The following TEC variants were observed in gnomAD, a reference collection of about 807,000 sequenced individuals.
TEC encodes tec protein tyrosine kinase.
In TEC, 72 loss-of-function variants were observed where a neutral mutation model predicts 93.0. The observed-to-expected ratio is 0.77, with a 90% CI of 0.64 to 0.94. The LOEUF (loss-of-function observed/expected upper bound fraction) is 0.94. Among genes scored for constraint, TEC ranks in the 40% least tolerant of loss-of-function variants. The pLI is 0.00. For missense variants in TEC, 630 were observed against 757.9 expected (o/e 0.83, Z 1.98); for synonymous variants, 249 against 247.7 (o/e 1.01, Z -0.05).
chr4:48,221,899 A>AG (rs1723277793), intron 2 of TEC, among the ~76,000 whole-genome samples: 1 of 152,202 alleles, frequency 6.6e-6, no homozygotes. Context: ...GCCAAAATGT[A>AG]TATTTCTTAT....
At chr4:48,228,680 G>A (rs907568030) in intron 1 of TEC, 21 bp from the exon 2 acceptor site, 3 of 1,535,906 alleles carry the variant, frequency 2.0e-6, no homozygotes, top group Admixed American at 4.4e-5. Context: ...AAAAGAAACA[G>A]TTAAAATGTG....
chr4:48,227,554 G>T (rs1723509757), intron 2 of TEC, among the ~76,000 whole-genome samples: 1 of 144,954 alleles, frequency 6.9e-6, no homozygotes, highest in Non-Finnish European at 1.5e-5. Flanking sequence ...TGCGGCAGAA[G>T]AATTGCTTGA....
chr4:48,230,103 A>T (rs199933858), intron 1 of TEC, among the ~76,000 whole-genome samples: 1 of 118,266 alleles, frequency 8.5e-6, no homozygotes, highest in Admixed American at 9.5e-5. Context: ...TAATAATAAT[A>T]AATAAATAAC....
rs1553892127 is a variant in TEC at position 48,212,110 on chromosome 4, AATATAT to A, written c.138+16361_138+16366del. On this transcript the variant is annotated intron_variant, in intron 2 of 17. Coordinates refer to ENST00000381501, the MANE Select transcript of TEC (RefSeq NM_003215.3). ...TGAGACTCTGTCTCAAAAAAAAAAA[AATATAT>A]ATATATATATATATATGTATATAAA... Among the ~76,000 whole-genome samples the A allele has an allele frequency of 1.6e-4, 20 of 122,242 alleles. 1 individual carries two copies. Among genetic ancestry groups the A allele is most frequent in the African/African-American group, 4.2e-4 (14 of 33,572 alleles). 80.2% of individuals were successfully genotyped at this position (122,242 alleles called of 152,430 possible). A position where few individuals can be genotyped will look rare whatever the true frequency, so the allele number is the denominator to read the frequency against.
intron 1 of TEC, among the ~76,000 whole-genome samples, chr4:48,252,361 A>G (rs1401755185): frequency 6.6e-6 from 1 of 152,234 alleles, no homozygotes; most frequent in Non-Finnish European, 1.5e-5. Context: ...AGGCCATAGT[A>G]TCTCACTGAG....
intron 8 of TEC, among the ~76,000 whole-genome samples, chr4:48,163,072 A>C (rs1720740254): frequency 6.6e-6 from 1 of 152,126 alleles, no homozygotes; most frequent in East Asian, 1.9e-4. Flanking sequence ...CCACACAAAT[A>C]AGGAAATGAT....
chr4:48,173,432 C>CAGGTTGTTTAGT (rs3842586), intron 3 of TEC, among the ~76,000 whole-genome samples: 1 of 151,898 alleles, frequency 6.6e-6, no homozygotes, highest in African/African-American at 2.4e-5. Flanking sequence ...TTTGGCATCT[C>CAGGTTGTTTAGT]AGGCTGAAGA....
intron 2 of TEC, among the ~76,000 whole-genome samples, chr4:48,186,278 C>T (rs1245906052): frequency 3.3e-5 from 5 of 152,148 alleles, no homozygotes; most frequent in Non-Finnish European, 5.9e-5. Flanking sequence ...CTGGCCGCCA[C>T]CCCGTCTGGG....
intron 1 of TEC, among the ~76,000 whole-genome samples, chr4:48,251,189 G>C (rs1724188931): frequency 6.6e-6 from 1 of 152,052 alleles, no homozygotes; most frequent in Non-Finnish European, 1.5e-5. Context: ...ACCGCATCTA[G>C]TACCACTCCC....
chr4:48,146,537 C>A (rs1577697509), intron 11 of TEC, 138 bp from the exon 12 acceptor site: 1 of 672,768 alleles, frequency 1.5e-6, no homozygotes, highest in East Asian at 2.7e-5. Flanking sequence ...CAGCACTCTG[C>A]TATATGCTTT....
intron 2 of TEC, among the ~76,000 whole-genome samples, chr4:48,223,000 C>T (rs1577652383): frequency 1.3e-5 from 2 of 151,954 alleles, no homozygotes; most frequent in African/African-American, 4.8e-5. Flanking sequence ...GAACCCTGAC[C>T]AATACAACAG....
chr4:48,146,468 A>T, intron 11 of TEC, 69 bp from the exon 12 acceptor site: 1 of 1,401,554 alleles, frequency 7.1e-7, no homozygotes. Context: ...ATGCTACAGG[A>T]AACTCACTTA....
chr4:48,230,062 C>T (rs1405267801), intron 1 of TEC, among the ~76,000 whole-genome samples: 1 of 144,516 alleles, frequency 6.9e-6, no homozygotes, highest in African/African-American at 2.6e-5. Flanking sequence ...GCAACGAGAG[C>T]GAAACTCCGT....
At position 48,170,304 on chromosome 4, in the gene TEC, C is replaced by T. The variant is rs1307457350; in HGVS notation, c.398G>A (p.Cys133Tyr). 6.4e-7 allele frequency: 1 copy of T among 1,574,660 alleles called. No individual in the cohort carries two copies. ...KFWTDGSYQC[C>Y]RQTEKLAPGC... Reference sequence around the variant, plus strand: ...GGGTGCTAATTTTTCAGTTTGTCTACAACACTGATAACTTCCATCTGTCCA... The same window carrying T: ...GGGTGCTAATTTTTCAGTTTGTCTATAACACTGATAACTTCCATCTGTCCA... Residue 133 changes from cysteine to tyrosine, a missense_variant, in exon 5 of 18, where the codon TGT becomes TAT. Cys to Tyr is a radical substitution (Grantham distance 194, BLOSUM62 -2). This residue lies in a region of TEC where 335 missense variants were observed against 351.5 expected (regional missense o/e 0.95). Coordinates refer to ENST00000381501, the MANE Select transcript of TEC (RefSeq NM_003215.3).
chr4:48,227,303 C>T (rs1422801886), intron 2 of TEC, among the ~76,000 whole-genome samples: 1 of 151,970 alleles, frequency 6.6e-6, no homozygotes, highest in Non-Finnish European at 1.5e-5. Flanking sequence ...AAAAATACAA[C>T]TAAATCAACG....
intron 1 of TEC, among the ~76,000 whole-genome samples, chr4:48,255,173 G>C (rs989131199): frequency 2.6e-5 from 4 of 152,160 alleles, no homozygotes; most frequent in African/African-American, 9.7e-5. Context: ...ACAATGCTGA[G>C]TGTGCTCTCA....
At chr4:48,240,596 CATT>C (rs1286455696) in intron 1 of TEC, among the ~76,000 whole-genome samples, 4 of 152,112 alleles carry the variant, frequency 2.6e-5, no homozygotes, top group African/African-American at 9.7e-5. Flanking sequence ...CAGTTGAACT[CATT>C]ATAACTCCTC....
chr4:48,181,384 G>A (rs1278071267), intron 2 of TEC, among the ~76,000 whole-genome samples: 3 of 152,078 alleles, frequency 2.0e-5, no homozygotes, highest in South Asian at 4.2e-4. Flanking sequence ...GGAAAAAAAG[G>A]ATTGGAAGGG....
At chr4:48,157,396 A>G (rs975678827) in intron 8 of TEC, among the ~76,000 whole-genome samples, 2 of 152,214 alleles carry the variant, frequency 1.3e-5, no homozygotes, top group Non-Finnish European at 2.9e-5. Context: ...CAGAACCCCA[A>G]GCCCTGTGGT....
Sources: gnomAD v4.1 joint callset for allele counts (sites outside exome capture counted in the v4.1 genomes callset) on GRCh38, gnomAD v4.1.1 for gene constraint, gnomAD v4.1.1 regional missense constraint, MANE v1.5 for transcripts, NCBI Gene and HGNC (gene_info 2026-07-23, HGNC 2026-07-21) for gene names.